Variants in PCDH15 observed in about 807,000 individuals in gnomAD.
PCDH15 encodes the protein protocadherin-15.
In PCDH15, 129 loss-of-function variants were observed where a neutral mutation model predicts 178.5. That is an observed-to-expected ratio of 0.72 (90% CI 0.63 to 0.84). The LOEUF (loss-of-function observed/expected upper bound fraction) is 0.84. Among genes scored for constraint, PCDH15 ranks in the 40% least tolerant of loss-of-function variants. PCDH15 has a pLI of 0.00. For synonymous variants in PCDH15, 800 were observed against 732.0 expected (o/e 1.09, Z -1.50); for missense variants, 2,230 against 2,099.9 (o/e 1.06, Z -1.21).
At chr10:55,410,792 G>C (rs781070292) in intron 2 of PCDH15, among the ~76,000 whole-genome samples, 5 of 152,074 alleles carry the variant, frequency 3.3e-5, no homozygotes, top group Admixed American at 6.6e-5. Context: ...CAAGGAAGCA[G>C]CAACAGTGAC....
At chr10:55,255,010 G>C (rs771726508) in intron 1 of PCDH15, among the ~76,000 whole-genome samples, 1 of 151,782 alleles carries the variant, frequency 6.6e-6, no homozygotes, top group Non-Finnish European at 1.5e-5. Context: ...GTGCAGGTTA[G>C]TTACATATGT....
At chr10:53,900,215 CTCT>C in intron 26 of PCDH15, among the ~76,000 whole-genome samples, 1 of 149,428 alleles carries the variant, frequency 6.7e-6, no homozygotes, top group African/African-American at 2.5e-5. Context: ...AACTTTCTCT[CTCT>C]CTCTCTCTCT....
At chr10:54,493,262 A>G (rs9416364) in intron 3 of PCDH15, among the ~76,000 whole-genome samples, 3,291 of 151,964 alleles carry the variant, frequency 0.022, 119 homozygotes, top group African/African-American at 0.074. Flanking sequence ...GTCTTGGGAT[A>G]TATTGTCTGT....
intron 25 of PCDH15, among the ~76,000 whole-genome samples, chr10:53,938,188 T>G (rs1262440780): frequency 6.6e-6 from 1 of 152,126 alleles, no homozygotes; most frequent in Non-Finnish European, 1.5e-5. Context: ...CACAGAAATG[T>G]TGAAGTTCGG....
intron 4 of PCDH15, among the ~76,000 whole-genome samples, chr10:54,371,366 G>T (rs757819649): frequency 4.5e-4 from 68 of 151,676 alleles, no homozygotes; most frequent in Non-Finnish European, 1.8e-4. Flanking sequence ...AATAATATCA[G>T]ATAATAATAT....
intron 2 of PCDH15, among the ~76,000 whole-genome samples, chr10:55,455,572 G>A (rs1485653691): frequency 1.3e-5 from 2 of 150,786 alleles, no homozygotes; most frequent in East Asian, 4.0e-4. Flanking sequence ...TTTCAATACT[G>A]TACTGTTTCT....
chr10:55,076,623 T>C (rs1448318520), intron 2 of PCDH15, among the ~76,000 whole-genome samples: 1 of 151,642 alleles, frequency 6.6e-6, no homozygotes, highest in East Asian at 1.9e-4. Context: ...ATTATTATTA[T>C]TATTTTTGGT....
chr10:53,946,123 G>A (rs529921458), intron 23 of PCDH15, among the ~76,000 whole-genome samples: 21 of 152,138 alleles, frequency 1.4e-4, no homozygotes, highest in African/African-American at 4.6e-4. Flanking sequence ...AATCTACAAT[G>A]AGATATCACC....
intron 18 of PCDH15, among the ~76,000 whole-genome samples, chr10:54,059,767 G>A (rs1228667969): frequency 6.6e-6 from 1 of 152,204 alleles, no homozygotes; most frequent in African/African-American, 2.4e-5. Flanking sequence ...ATACGCATGA[G>A]CAAGTCACAG....
At chr10:54,872,403 A>G (rs960597152) in intron 3 of PCDH15, among the ~76,000 whole-genome samples, 2 of 152,140 alleles carry the variant, frequency 1.3e-5, no homozygotes, top group Admixed American at 1.3e-4. Flanking sequence ...TATGTATTTC[A>G]TGTACTTTAA....
chr10:55,000,715 G>T (rs1269252223), intron 2 of PCDH15, among the ~76,000 whole-genome samples: 1 of 152,104 alleles, frequency 6.6e-6, no homozygotes, highest in Non-Finnish European at 1.5e-5. Context: ...GTATTAATTT[G>T]GGGAATCTGA....
At chr10:55,024,261 ACACT>A (rs1278435391) in intron 2 of PCDH15, among the ~76,000 whole-genome samples, 3 of 147,746 alleles carry the variant, frequency 2.0e-5, no homozygotes, top group Admixed American at 6.8e-5. Flanking sequence ...GTGTACACAC[ACACT>A]CATAGATATA....
intron 21 of PCDH15, among the ~76,000 whole-genome samples, chr10:53,980,020 A>T (rs1387379348): frequency 1.3e-5 from 2 of 152,144 alleles, no homozygotes; most frequent in Non-Finnish European, 1.5e-5. Context: ...AGAGTTCGTG[A>T]CCAGCCTGGC....
intron 6 of PCDH15, among the ~76,000 whole-genome samples, chr10:54,337,972 G>A (rs1342291): frequency 0.26 from 38,836 of 151,948 alleles, 5,473 homozygotes; most frequent in African/African-American, 0.38. Context: ...AGTCTCTTTC[G>A]TCCAAATTCC....
At chr10:55,465,562 T>C (rs1009166554) in intron 2 of PCDH15, among the ~76,000 whole-genome samples, 8 of 152,142 alleles carry the variant, frequency 5.3e-5, no homozygotes, top group African/African-American at 1.7e-4. Context: ...CACCCAGAGA[T>C]AAAAACCACT....
chr10:54,582,001 C>T (rs2091086210), intron 2 of PCDH15, among the ~76,000 whole-genome samples: 1 of 152,020 alleles, frequency 6.6e-6, no homozygotes, highest in African/African-American at 2.4e-5. Context: ...TCATTTTTGA[C>T]ATTAGGCTAG....
At chr10:55,345,408 G>T (rs184493331) in intron 2 of PCDH15, among the ~76,000 whole-genome samples, 97 of 152,054 alleles carry the variant, frequency 6.4e-4, no homozygotes, top group African/African-American at 2.3e-3. Context: ...CCATCATCAT[G>T]TTGTATAAAA....
At chr10:54,004,526 C>T (rs12218273) in intron 20 of PCDH15, among the ~76,000 whole-genome samples, 26,189 of 151,396 alleles carry the variant, frequency 0.17, 2,688 homozygotes, top group East Asian at 0.37. Context: ...GTGAACAATC[C>T]GCAAAAGAAA....
chr10:53,835,324 G>A (rs1360655804), intron 29 of PCDH15, among the ~76,000 whole-genome samples: 2 of 151,996 alleles, frequency 1.3e-5, no homozygotes, highest in Non-Finnish European at 1.5e-5. Context: ...AAATAGGCTG[G>A]ATATAAGACA....
Sources: gnomAD v4.1 joint callset for allele counts (sites outside exome capture counted in the v4.1 genomes callset) on GRCh38, gnomAD v4.1.1 for gene constraint, MANE v1.5 for transcripts, NCBI Gene and HGNC (gene_info 2026-07-23, HGNC 2026-07-21) for gene names.